The following IGSF10 variants were observed in gnomAD, a reference collection of about 807,000 sequenced individuals.
The protein encoded by IGSF10 is calvaria mechanical force protein 608.
A neutral mutation model predicts 128.2 loss-of-function variants in IGSF10; 126 were observed. The ratio of observed to expected loss-of-function variants is 0.98; its 90% CI spans 0.85 to 1.14. The LOEUF (loss-of-function observed/expected upper bound fraction) is 1.14, where lower values mean the gene tolerates loss of function less well. Ranked by LOEUF, IGSF10 falls within the 50% of genes most tolerant of loss-of-function variation. The pLI is 0.00. For missense variants in IGSF10, 3,295 were observed against 3,149.8 expected (o/e 1.05, Z -1.10); for synonymous variants, 1,185 against 1,146.2 (o/e 1.03, Z -0.68).
chr3:151,467,273 T>TTAGA, the IGSF10 span, among the ~76,000 whole-genome samples: 1 of 152,136 alleles, frequency 6.6e-6, no homozygotes, highest in Non-Finnish European at 1.5e-5. Flanking sequence ...AAAGAGGAAG[T>TTAGA]TAGATGCCTT....
In IGSF10 at chr3:151,446,955, C is replaced by T. The variant is rs756015608; in HGVS notation, c.3026G>A (p.Arg1009His). 4.9e-5 allele frequency: 79 copies of T among 1,614,164 alleles called. No individual in the cohort carries two copies. The highest frequency in any genetic ancestry group is 6.4e-5 in the Non-Finnish European group (75 of 1,180,032). ...GCCAATTTTCCTCTGCCTCCCAAAG[C>T]GTCTGAACAGCGGGATGTTAACTGT... Reference protein sequence around the residue: ...NSTVNIPLFRRFGRQRKIGGR... With the variant: ...NSTVNIPLFRHFGRQRKIGGR... The change falls in exon 6 of 8, where the codon CGC (arginine) becomes CAC (histidine). Residue 1009 changes from arginine (R) to histidine (H), a missense_variant. Transcript: ENST00000282466.
At position 151,447,676 on chromosome 3, in the gene IGSF10, G is replaced by A. The variant is rs1320773532; in HGVS notation, c.2305C>T (p.Pro769Ser). The change falls in exon 6 of 8, where the codon CCA (proline) becomes TCA (serine). Residue 769 changes from proline (P) to serine (S), a missense_variant. Pro to Ser is a moderately conservative substitution (Grantham distance 74, BLOSUM62 -1). Transcript: ENST00000282466. The part of the protein sequence containing the change: ...LLEKAKKNAM[P>S]DKRENTTVSP... ...ACTGTGGTATTTTCTCGCTTGTCTG[G>A]CATAGCATTCTTTTTAGCTTTCTCC... 3 of 1,614,144 alleles carry A rather than the reference G, an allele frequency of 1.9e-6. No homozygotes were observed. Among genetic ancestry groups the A allele is most frequent in the African/African-American group, 1.3e-5 (1 of 75,008 alleles).
the IGSF10 span, among the ~76,000 whole-genome samples, chr3:151,601,756 T>C: frequency 6.6e-6 from 1 of 152,206 alleles, no homozygotes; most frequent in Non-Finnish European, 1.5e-5. Flanking sequence ...TAAATACAAC[T>C]GGTAATAGAC....
rs1720984048 is a variant in IGSF10, at chr3:151,443,471, C to G, written c.5476G>C (p.Gly1826Arg). The G allele has an allele frequency of 1.2e-6, 2 of 1,614,216 alleles. No homozygotes were observed. The highest frequency in any genetic ancestry group is 2.2e-5 in the East Asian group (1 of 44,890). Residue 1826 changes from glycine to arginine, a missense_variant, in exon 7 of 8, where the codon GGT (glycine) becomes CGT (arginine). Gly to Arg is a moderately radical substitution (Grantham distance 125). Transcript: ENST00000282466. ...GFYKCVASNP[G>R]GQDSLLVKIQ... ...TTAACCAGCAGTGAATCCTGGCCAC[C>G]TGGGTTGCTGGCCACACATTTGTAA...
At chr3:151,455,114 T>C (rs1721719491) in intron 4 of IGSF10, among the ~76,000 whole-genome samples, 1 of 151,946 alleles carries the variant, frequency 6.6e-6, no homozygotes, top group South Asian at 2.1e-4. Flanking sequence ...TTTTTGCGTT[T>C]TGTTTTTTTT....
upstream of IGSF10, among the ~76,000 whole-genome samples, chr3:151,463,669 C>T (rs1293978431): frequency 2.0e-5 from 3 of 149,980 alleles, no homozygotes; most frequent in African/African-American, 7.4e-5. Flanking sequence ...GCCTCAGCCT[C>T]CTGAGTAGCT....
At chr3:151,613,682 G>A in the IGSF10 span, among the ~76,000 whole-genome samples, 2 of 152,164 alleles carry the variant, frequency 1.3e-5, no homozygotes, top group Non-Finnish European at 2.9e-5. Flanking sequence ...ATTCAAGATG[G>A]ATTAAAGACT....
At chr3:151,596,991 TTC>T in the IGSF10 span, among the ~76,000 whole-genome samples, 1 of 151,808 alleles carries the variant, frequency 6.6e-6, no homozygotes, top group Middle Eastern at 3.2e-3. Flanking sequence ...GTTGTGTAAC[TTC>T]TCTGAGTTTC....
At chr3:151,486,482 G>A in the IGSF10 span, among the ~76,000 whole-genome samples, 1 of 152,152 alleles carries the variant, frequency 6.6e-6, no homozygotes, top group Non-Finnish European at 1.5e-5. Context: ...GACATCTACA[G>A]AATTCTCCAC....
At chr3:151,553,491 T>A in the IGSF10 span, among the ~76,000 whole-genome samples, 2 of 152,194 alleles carry the variant, frequency 1.3e-5, no homozygotes, top group Admixed American at 6.5e-5. Context: ...TCATACCATG[T>A]TAAAACATTA....
chr3:151,447,418 C>T lies in IGSF10; in HGVS notation c.2563G>A (p.Glu855Lys), dbSNP rs767747972. 1.9e-6 allele frequency: 3 copies of T among 1,614,000 alleles called. No individual in the cohort carries two copies. The highest frequency in any genetic ancestry group is 2.5e-6 in the Non-Finnish European group (3 of 1,179,936). ...GTAGACAGTTTGAAATCTGTGGGTTCTTCAGGTGGTAGTATTTGTGAATTC... is the reference window on the plus strand; with the variant it reads ...GTAGACAGTTTGAAATCTGTGGGTTTTTCAGGTGGTAGTATTTGTGAATTC... Reference protein sequence around the residue: ...VVNSQILPPEEPTDFKLSTAI... With the variant: ...VVNSQILPPEKPTDFKLSTAI... The change falls in exon 6 of 8, where the codon GAA (glutamate) becomes AAA (lysine). Residue 855 changes from glutamate to lysine, a missense_variant. Glu to Lys is a moderately conservative substitution (Grantham distance 56). Coordinates refer to ENST00000282466, the MANE Select transcript of IGSF10 (RefSeq NM_178822.5).
chr3:151,586,709 C>T, the IGSF10 span, among the ~76,000 whole-genome samples: 8 of 152,126 alleles, frequency 5.3e-5, no homozygotes, highest in African/African-American at 1.9e-4. Flanking sequence ...TGAAGAGATG[C>T]AAATACCTGG....
chr3:151,499,490 C>G, the IGSF10 span: 6 of 152,250 alleles, frequency 3.9e-5, no homozygotes, highest in African/African-American at 1.4e-4. Context: ...GAGTTTTGCT[C>G]AGAGAGCAGT....
the IGSF10 span, among the ~76,000 whole-genome samples, chr3:151,567,464 G>A: frequency 6.6e-6 from 1 of 152,102 alleles, no homozygotes; most frequent in African/African-American, 2.4e-5. Flanking sequence ...AAACCTACTT[G>A]AACTTTATTT....
chr3:151,518,107 T>C, the IGSF10 span, among the ~76,000 whole-genome samples: 1 of 151,994 alleles, frequency 6.6e-6, no homozygotes, highest in African/African-American at 2.4e-5. Context: ...TACTTATATA[T>C]TTTAAGTTCA....
chr3:151,464,967 A>C (rs1372471835), upstream of IGSF10, among the ~76,000 whole-genome samples: 1 of 152,260 alleles, frequency 6.6e-6, no homozygotes, highest in African/African-American at 2.4e-5. Context: ...GAGCTTTCAG[A>C]ACACCATGTA....
the IGSF10 span, among the ~76,000 whole-genome samples, chr3:151,487,024 A>C: frequency 6.6e-4 from 3 of 4,554 alleles, no homozygotes; most frequent in Non-Finnish European, 1.3e-3. Context: ...ATACCTTTCA[A>C]AAAAAAATTA....
intron 4 of IGSF10, among the ~76,000 whole-genome samples, chr3:151,455,528 G>A (rs1471666394): frequency 6.6e-6 from 1 of 152,044 alleles, no homozygotes; most frequent in Non-Finnish European, 1.5e-5. Context: ...TGTTTCCATG[G>A]ATTTGCCTAT....
At chr3:151,546,979 C>T in the IGSF10 span, among the ~76,000 whole-genome samples, 1 of 150,360 alleles carries the variant, frequency 6.7e-6, no homozygotes, top group Non-Finnish European at 1.5e-5. Context: ...CCATGTGGAC[C>T]AGGCTGGTCT....
Sources: allele counts gnomAD v4.1 joint callset (sites outside exome capture counted in the v4.1 genomes callset), GRCh38; gene constraint gnomAD v4.1.1; transcripts MANE v1.5; gene names NCBI Gene and HGNC (gene_info 2026-07-23, HGNC 2026-07-21).